ENTREP2: variants seen among roughly 807,000 people sequenced by gnomAD.
The protein encoded by ENTREP2 is protein ENTREP2.
the ENTREP2 span, among the ~76,000 whole-genome samples, chr15:29,642,332 T>C: frequency 1.5e-4 from 23 of 151,902 alleles, no homozygotes; most frequent in African/African-American, 5.3e-4. Flanking sequence ...GAAATGAACC[T>C]GTGCATCTCT....
chr15:29,644,465 G>C, the ENTREP2 span, among the ~76,000 whole-genome samples: 23 of 152,208 alleles, frequency 1.5e-4, no homozygotes, highest in African/African-American at 5.3e-4. Context: ...TATAGAGACA[G>C]GGAAGTAAAC....
At chr15:29,438,356 C>T in the ENTREP2 span, among the ~76,000 whole-genome samples, 73,397 of 152,030 alleles carry the variant, frequency 0.48, 18,606 homozygotes, top group African/African-American at 0.64. Context: ...GGCTAACTGA[C>T]GTGTGCAAAA....
chr15:29,178,408 A>G, the ENTREP2 span, among the ~76,000 whole-genome samples: 8 of 152,150 alleles, frequency 5.3e-5, no homozygotes, highest in Admixed American at 5.2e-4. Flanking sequence ...AGTGTTCACA[A>G]TGCATCTCTC....
At chr15:29,503,596 A>G in the ENTREP2 span, among the ~76,000 whole-genome samples, 1,718 of 152,342 alleles carry the variant, frequency 0.011, 29 homozygotes, top group African/African-American at 0.039. Flanking sequence ...TTATGTGAAT[A>G]ATACCTCAAT....
chr15:29,292,328 T>C, the ENTREP2 span, among the ~76,000 whole-genome samples: 1 of 152,192 alleles, frequency 6.6e-6, no homozygotes, highest in Non-Finnish European at 1.5e-5. Flanking sequence ...CATAATTTCA[T>C]ATATGAATCT....
At chr15:29,125,094 C>T in the ENTREP2 span, among the ~76,000 whole-genome samples, 3 of 152,194 alleles carry the variant, frequency 2.0e-5, no homozygotes, top group South Asian at 6.2e-4. Context: ...GCACATCAGC[C>T]TAGCCAAGAG....
the ENTREP2 span, among the ~76,000 whole-genome samples, chr15:29,125,499 G>C: frequency 1.3e-5 from 2 of 152,186 alleles, no homozygotes; most frequent in South Asian, 2.1e-4. Context: ...CTCCAGTAGA[G>C]ATCAGCTGGG....
the ENTREP2 span, among the ~76,000 whole-genome samples, chr15:29,521,043 G>A: frequency 6.6e-6 from 1 of 152,166 alleles, no homozygotes; most frequent in Non-Finnish European, 1.5e-5. Flanking sequence ...CACTCCGGGA[G>A]ATATTTGGTA....
the ENTREP2 span, among the ~76,000 whole-genome samples, chr15:29,326,250 T>C: frequency 6.6e-6 from 1 of 152,050 alleles, no homozygotes; most frequent in African/African-American, 2.4e-5. Context: ...GAAAAGGAAA[T>C]AAAAGGTACA....
At chr15:29,436,351 A>G in the ENTREP2 span, among the ~76,000 whole-genome samples, 2 of 152,224 alleles carry the variant, frequency 1.3e-5, no homozygotes, top group Admixed American at 6.5e-5. Flanking sequence ...TCCAGAGGAC[A>G]TGGACTTCCT....
the ENTREP2 span, among the ~76,000 whole-genome samples, chr15:29,275,094 G>A: frequency 6.6e-6 from 1 of 152,250 alleles, no homozygotes; most frequent in East Asian, 1.9e-4. Context: ...TGCCCTTCTT[G>A]CATCTGCTAT....
the ENTREP2 span, among the ~76,000 whole-genome samples, chr15:29,532,519 G>A: frequency 6.6e-6 from 1 of 152,158 alleles, no homozygotes; most frequent in Non-Finnish European, 1.5e-5. Context: ...AACACCAGCT[G>A]TTCTAGCACC....
At chr15:29,406,570 A>G in the ENTREP2 span, among the ~76,000 whole-genome samples, 1 of 152,154 alleles carries the variant, frequency 6.6e-6, no homozygotes, top group South Asian at 2.1e-4. Flanking sequence ...AAAGAATATT[A>G]AAAAATATAT....
the ENTREP2 span, chr15:29,128,871 T>C: frequency 6.5e-7 from 1 of 1,548,134 alleles, no homozygotes; most frequent in Non-Finnish European, 8.7e-7. Flanking sequence ...TAACCTACAG[T>C]AAGAAACAGA....
the ENTREP2 span, among the ~76,000 whole-genome samples, chr15:29,536,145 T>C: frequency 6.6e-6 from 1 of 152,114 alleles, no homozygotes; most frequent in South Asian, 2.1e-4. Flanking sequence ...TCAGGGATGA[T>C]CACATGACTT....
chr15:29,254,921 G>C, the ENTREP2 span, among the ~76,000 whole-genome samples: 1 of 152,148 alleles, frequency 6.6e-6, no homozygotes, highest in Non-Finnish European at 1.5e-5. Flanking sequence ...TCATGAAATA[G>C]TATTTTGTCT....
At chr15:29,306,693 TTTTTTTTTTTTTTG>T in the ENTREP2 span, among the ~76,000 whole-genome samples, 4 of 65,214 alleles carry the variant, frequency 6.1e-5, no homozygotes, top group East Asian at 4.2e-4. Flanking sequence ...TTTTTTTTTT[TTTTTTTTTTTTTTG>T]GAGATAGAGT....
the ENTREP2 span, among the ~76,000 whole-genome samples, chr15:29,648,742 A>C: frequency 6.6e-6 from 1 of 152,094 alleles, no homozygotes; most frequent in African/African-American, 2.4e-5. Context: ...GTTCAAGACC[A>C]GCCTGGCCAA....
the ENTREP2 span, among the ~76,000 whole-genome samples, chr15:29,432,002 GC>G: frequency 8.5e-5 from 13 of 152,164 alleles, no homozygotes; most frequent in Admixed American, 7.2e-4. Context: ...AGGACAAATT[GC>G]CTGAGATTTC....
Sources: gnomAD v4.1 joint callset for allele counts (sites outside exome capture counted in the v4.1 genomes callset) on GRCh38, gnomAD v4.1.1 for gene constraint, MANE v1.5 for transcripts, NCBI Gene and HGNC (gene_info 2026-07-23, HGNC 2026-07-21) for gene names.